SLC24A2: variants seen among roughly 807,000 people sequenced by gnomAD.
SLC24A2 encodes sodium/potassium/calcium exchanger 2.
In SLC24A2, 36 loss-of-function variants were observed where a neutral mutation model predicts 62.0. The observed-to-expected ratio is 0.58, with a 90% CI of 0.44 to 0.77. The LOEUF (loss-of-function observed/expected upper bound fraction) is 0.77, where lower values mean the gene tolerates loss of function less well. Ranked by LOEUF, SLC24A2 falls within the 30% of genes least tolerant of loss-of-function variation. The pLI is 0.00. For missense variants in SLC24A2, 846 were observed against 817.9 expected (o/e 1.03, Z -0.42); for synonymous variants, 358 against 294.0 (o/e 1.22, Z -2.23).
At chr9:20,101,051 C>T in the SLC24A2 span, among the ~76,000 whole-genome samples, 2 of 152,230 alleles carry the variant, frequency 1.3e-5, no homozygotes, top group Non-Finnish European at 2.9e-5. Context: ...CCTTCACCCC[C>T]ACATCTTTCT....
chr9:19,517,692 A>T (rs1832995976), intron 10 of SLC24A2, among the ~76,000 whole-genome samples: 1 of 151,580 alleles, frequency 6.6e-6, no homozygotes, highest in Non-Finnish European at 1.5e-5. Flanking sequence ...CTTGTTGGGG[A>T]GGGGTTCCAA....
chr9:19,636,305 T>TTTCCTTTCCTTTCCTTTCCTTTTC (rs1818321027), intron 2 of SLC24A2, among the ~76,000 whole-genome samples: 1 of 44,884 alleles, frequency 2.2e-5, no homozygotes, highest in African/African-American at 8.5e-5. Flanking sequence ...TTTTCTTTTC[T>TTTCCTTTCCTTTCCTTTCCTTTTC]TTTCTTTTCT....
chr9:19,899,883 G>A, the SLC24A2 span, among the ~76,000 whole-genome samples: 9,654 of 152,160 alleles, frequency 0.063, 880 homozygotes, highest in African/African-American at 0.2. Flanking sequence ...CCCATGATTC[G>A]ATTACCTCCC....
intron 4 of SLC24A2, among the ~76,000 whole-genome samples, chr9:19,611,564 A>G (rs1218366563): frequency 1.3e-5 from 2 of 151,898 alleles, no homozygotes; most frequent in African/African-American, 4.8e-5. Flanking sequence ...TCTTGGTGAG[A>G]TGGTTTTGAG....
At chr9:19,928,210 C>G in the SLC24A2 span, 2 of 152,252 alleles carry the variant, frequency 1.3e-5, no homozygotes, top group Non-Finnish European at 2.9e-5. Context: ...ACCCTTGATA[C>G]CTTCTAAACT....
the SLC24A2 span, among the ~76,000 whole-genome samples, chr9:19,827,948 C>G: frequency 2.0e-5 from 3 of 152,162 alleles, no homozygotes; most frequent in Admixed American, 1.3e-4. Context: ...CTGAGTAATT[C>G]TCACATGTGC....
chr9:20,155,949 G>GTA, the SLC24A2 span, among the ~76,000 whole-genome samples: 1 of 151,654 alleles, frequency 6.6e-6, no homozygotes, highest in Non-Finnish European at 1.5e-5. Flanking sequence ...AATAAGGAGA[G>GTA]TAATTTAAAA....
the SLC24A2 span, among the ~76,000 whole-genome samples, chr9:20,222,607 C>A: frequency 6.6e-6 from 1 of 151,950 alleles, no homozygotes; most frequent in Admixed American, 6.6e-5. Context: ...AAATAAAGTA[C>A]TAGCAAATGA....
the SLC24A2 span, among the ~76,000 whole-genome samples, chr9:20,227,561 C>T: frequency 1.4e-5 from 2 of 142,690 alleles, no homozygotes; most frequent in Non-Finnish European, 3.0e-5. Context: ...AAAGGCTAAG[C>T]AGAATGAAGA....
chr9:20,108,728 T>G, the SLC24A2 span, among the ~76,000 whole-genome samples: 2 of 151,364 alleles, frequency 1.3e-5, no homozygotes, highest in African/African-American at 2.4e-5. Flanking sequence ...GGGATAGCAT[T>G]AGGAGATATA....
At chr9:20,213,895 T>C in the SLC24A2 span, among the ~76,000 whole-genome samples, 1 of 152,236 alleles carries the variant, frequency 6.6e-6, no homozygotes, top group Non-Finnish European at 1.5e-5. Context: ...ATGATCTATA[T>C]CATTGTATCT....
the SLC24A2 span, among the ~76,000 whole-genome samples, chr9:20,230,751 G>T: frequency 1.3e-5 from 2 of 152,250 alleles, no homozygotes; most frequent in Middle Eastern, 3.4e-3. Flanking sequence ...GATCCCATTT[G>T]TCAATTTTGG....
the SLC24A2 span, among the ~76,000 whole-genome samples, chr9:20,106,324 G>C: frequency 6.6e-6 from 1 of 152,150 alleles, no homozygotes; most frequent in African/African-American, 2.4e-5. Context: ...TAGAAAAAGA[G>C]GGAATACTCC....
intron 2 of SLC24A2, among the ~76,000 whole-genome samples, chr9:19,736,932 T>A (rs559490053): frequency 3.9e-4 from 59 of 152,288 alleles, no homozygotes; most frequent in African/African-American, 1.3e-3. Context: ...TCTAATAACA[T>A]AGCTTCAAAA....
At chr9:20,306,320 GAACAACAAC>G in the SLC24A2 span, among the ~76,000 whole-genome samples, 2 of 152,066 alleles carry the variant, frequency 1.3e-5, no homozygotes, top group African/African-American at 4.8e-5. Context: ...TAACAATAGT[GAACAACAAC>G]AACAACAACA....
At chr9:19,682,631 G>A (rs1174031513) in intron 2 of SLC24A2, among the ~76,000 whole-genome samples, 1 of 152,102 alleles carries the variant, frequency 6.6e-6, no homozygotes, top group Admixed American at 6.6e-5. Context: ...CAATAATACA[G>A]GGAGCAGGAG....
chr9:20,074,477 C>A, the SLC24A2 span, among the ~76,000 whole-genome samples: 1 of 151,452 alleles, frequency 6.6e-6, no homozygotes, highest in Non-Finnish European at 1.5e-5. Flanking sequence ...TGCTGGCAAC[C>A]ATTTTGCAGC....
chr9:20,131,259 T>C, the SLC24A2 span, among the ~76,000 whole-genome samples: 1 of 152,032 alleles, frequency 6.6e-6, no homozygotes, highest in Non-Finnish European at 1.5e-5. Flanking sequence ...TTAATCCCAT[T>C]GTCAATGTAA....
the SLC24A2 span, among the ~76,000 whole-genome samples, chr9:20,299,365 G>T: frequency 6.6e-6 from 1 of 152,208 alleles, no homozygotes; most frequent in Admixed American, 6.5e-5. Flanking sequence ...ATACACTAAG[G>T]GTGGTCCCAA....
Sources: allele counts gnomAD v4.1 joint callset (sites outside exome capture counted in the v4.1 genomes callset), GRCh38; gene constraint gnomAD v4.1.1; transcripts MANE v1.5; gene names NCBI Gene and HGNC (gene_info 2026-07-23, HGNC 2026-07-21).